The following KIAA1217 variants were observed in gnomAD, a reference collection of about 807,000 sequenced individuals.
KIAA1217 encodes the protein sickle tail protein homolog.
KIAA1217 carries 88 observed loss-of-function variants against 163.9 expected under a neutral mutation model. The ratio of observed to expected loss-of-function variants is 0.54; its 90% CI spans 0.45 to 0.64. The LOEUF (loss-of-function observed/expected upper bound fraction) is 0.64, where lower values mean the gene tolerates loss of function less well. Among genes scored for constraint, KIAA1217 ranks in the 30% least tolerant of loss-of-function variants. KIAA1217 has a pLI of 0.00. For missense variants in KIAA1217, 2,372 were observed against 2,475.0 expected (o/e 0.96, Z 0.88); for synonymous variants, 903 against 923.1 (o/e 0.98, Z 0.39).
intron 6 of KIAA1217, among the ~76,000 whole-genome samples, chr10:24,493,975 T>C (rs930329048): frequency 1.3e-5 from 2 of 152,176 alleles, no homozygotes; most frequent in Non-Finnish European, 2.9e-5. Context: ...TCAGTCATAT[T>C]TCTCCATGGT....
At chr10:24,160,803 A>G (rs1371904198) in intron 2 of KIAA1217, among the ~76,000 whole-genome samples, 1 of 152,210 alleles carries the variant, frequency 6.6e-6, no homozygotes, top group African/African-American at 2.4e-5. Flanking sequence ...GGATTCTGTC[A>G]AAAATGTGTA....
chr10:24,313,460 A>G (rs2042961316), intron 2 of KIAA1217, among the ~76,000 whole-genome samples: 1 of 152,210 alleles, frequency 6.6e-6, no homozygotes, highest in South Asian at 2.1e-4. Flanking sequence ...ACCCATCAAC[A>G]GTCCAATTAA....
At chr10:23,764,533 T>C (rs1287784014) in intron 1 of KIAA1217, among the ~76,000 whole-genome samples, 1 of 152,064 alleles carries the variant, frequency 6.6e-6, no homozygotes, top group Non-Finnish European at 1.5e-5. Flanking sequence ...AGCAAAAACA[T>C]GGAACCAACC....
At chr10:24,136,968 CT>C (rs969853038) in intron 2 of KIAA1217, among the ~76,000 whole-genome samples, 2 of 152,176 alleles carry the variant, frequency 1.3e-5, no homozygotes, top group African/African-American at 4.8e-5. Flanking sequence ...ATACAATATA[CT>C]CTGGCATCAG....
At chr10:23,998,611 T>A (rs1554837711) in intron 1 of KIAA1217, among the ~76,000 whole-genome samples, 1 of 152,260 alleles carries the variant, frequency 6.6e-6, no homozygotes, top group Admixed American at 6.5e-5. Flanking sequence ...CTTTCTACCA[T>A]GTTTGATACA....
intron 2 of KIAA1217, among the ~76,000 whole-genome samples, chr10:24,257,675 G>A (rs886344636): frequency 1.3e-5 from 2 of 152,176 alleles, no homozygotes; most frequent in Non-Finnish European, 2.9e-5. Context: ...ACTGAGGCCA[G>A]GAAGCTCAGG....
intron 3 of KIAA1217, 26 bp from the exon 4 acceptor site, chr10:24,432,969 C>T (rs763253016): frequency 5.0e-6 from 8 of 1,602,422 alleles, no homozygotes; most frequent in Non-Finnish European, 6.0e-6. Flanking sequence ...TGACCTGTGA[C>T]TAATAACTGT....
intron 20 of KIAA1217, chr10:24,545,323 A>C: frequency 7.2e-7 from 1 of 1,397,408 alleles, no homozygotes; most frequent in Non-Finnish European, 9.3e-7. Flanking sequence ...GTGACTCCAA[A>C]CTCCAAATTT....
At chr10:24,072,622 TC>T in intron 2 of KIAA1217, among the ~76,000 whole-genome samples, 1 of 152,248 alleles carries the variant, frequency 6.6e-6, no homozygotes, top group Middle Eastern at 3.4e-3. Context: ...GATCACTAAG[TC>T]CTTCAAAGCT....
chr10:23,912,388 T>C (rs10828572), intron 1 of KIAA1217, among the ~76,000 whole-genome samples: 28,638 of 137,908 alleles, frequency 0.21, 3,367 homozygotes, highest in Middle Eastern at 0.32. Context: ...ATGTTTGTTA[T>C]ATAATTGCGT....
chr10:23,959,570 C>A (rs540817834), intron 1 of KIAA1217, among the ~76,000 whole-genome samples: 1 of 152,152 alleles, frequency 6.6e-6, no homozygotes, highest in African/African-American at 2.4e-5. Context: ...AAAACACACA[C>A]ATTTATTTAT....
At chr10:23,923,906 G>T (rs911643576) in intron 1 of KIAA1217, among the ~76,000 whole-genome samples, 14 of 152,274 alleles carry the variant, frequency 9.2e-5, no homozygotes, top group South Asian at 8.3e-4. Context: ...ATTTGGAAGT[G>T]AAATTTAAAA....
chr10:23,953,630 C>A (rs926098432), intron 1 of KIAA1217, among the ~76,000 whole-genome samples: 2 of 152,156 alleles, frequency 1.3e-5, no homozygotes, highest in Admixed American at 6.5e-5. Flanking sequence ...TGAGTTTTGG[C>A]AACTTAGATG....
At chr10:24,125,059 G>T (rs1166341892) in intron 2 of KIAA1217, among the ~76,000 whole-genome samples, 1 of 152,094 alleles carries the variant, frequency 6.6e-6, no homozygotes, top group Non-Finnish European at 1.5e-5. Context: ...GGATCACGAG[G>T]TCAGGAGTTT....
intron 1 of KIAA1217, among the ~76,000 whole-genome samples, chr10:23,910,673 A>C (rs1230403420): frequency 6.6e-6 from 1 of 152,220 alleles, no homozygotes; most frequent in Non-Finnish European, 1.5e-5. Flanking sequence ...GACAGCCTGC[A>C]GCTGTTTTCT....
chr10:23,944,749 G>A (rs570269310), intron 1 of KIAA1217, among the ~76,000 whole-genome samples: 2 of 152,218 alleles, frequency 1.3e-5, no homozygotes, highest in African/African-American at 4.8e-5. Flanking sequence ...GGGAAAAAAA[G>A]TTTGGCAGTT....
At chr10:23,763,702 GA>G (rs1834376592) in intron 1 of KIAA1217, among the ~76,000 whole-genome samples, 2 of 152,188 alleles carry the variant, frequency 1.3e-5, no homozygotes, top group Admixed American at 6.5e-5. Flanking sequence ...AAGACTTCAT[GA>G]CAAGCCAAAA....
rs559852405 is a variant in KIAA1217 at position 24,345,782 on chromosome 10, A to G, written c.355-35087A>G. Among the ~76,000 whole-genome samples the G allele has an allele frequency of 3.3e-5, 5 of 152,222 alleles. No individual in the cohort carries two copies. In the South Asian group the frequency reaches 1.0e-3, roughly 32 times the overall value. On this transcript the variant is annotated intron_variant, in intron 2 of 20. Coordinates refer to ENST00000376454, the MANE Select transcript of KIAA1217 (RefSeq NM_019590.5). ...CCTTTCTCATTTTATTCATTTGACT[A>G]TCGGCAACTTTACGATTTTTTAAAT...
chr10:24,475,898 G>T (rs914722450), intron 6 of KIAA1217, among the ~76,000 whole-genome samples: 1 of 152,140 alleles, frequency 6.6e-6, no homozygotes, highest in African/African-American at 2.4e-5. Flanking sequence ...ATGGTATGTT[G>T]CTGAGGGGAT....
Sources: allele counts gnomAD v4.1 joint callset (sites outside exome capture counted in the v4.1 genomes callset), GRCh38; gene constraint gnomAD v4.1.1; transcripts MANE v1.5; gene names NCBI Gene and HGNC (gene_info 2026-07-23, HGNC 2026-07-21).